Variants in NAA35 observed in about 807,000 individuals in gnomAD.
NAA35 encodes N-alpha-acetyltransferase 35, NatC auxiliary subunit.
Under a neutral mutation model 101.7 loss-of-function variants are expected in NAA35, and 18 were observed. The observed-to-expected ratio is 0.18, with a 90% CI of 0.12 to 0.26. The LOEUF (loss-of-function observed/expected upper bound fraction) is 0.26. Ranked by LOEUF, NAA35 falls within the 10% of genes least tolerant of loss-of-function variation. The pLI is 1.00. For synonymous variants in NAA35, 267 were observed against 273.1 expected (o/e 0.98, Z 0.22); for missense variants, 601 against 886.8 (o/e 0.68, Z 4.09).
intron 11 of NAA35, among the ~76,000 whole-genome samples, chr9:85,983,024 A>G (rs1360909036): frequency 6.6e-6 from 1 of 152,188 alleles, no homozygotes; most frequent in East Asian, 1.9e-4. Context: ...TTTAGCTGAA[A>G]ACATGAGAAC....
intron 2 of NAA35, among the ~76,000 whole-genome samples, chr9:85,946,711 A>T (rs1169736043): frequency 6.7e-6 from 1 of 149,362 alleles, no homozygotes; most frequent in Non-Finnish European, 1.5e-5. Flanking sequence ...CTCATCACCT[A>T]TCAGTGTATT....
chr9:86,012,764 G>T (rs1356083423), intron 15 of NAA35, among the ~76,000 whole-genome samples: 3 of 152,168 alleles, frequency 2.0e-5, no homozygotes, highest in African/African-American at 2.4e-5. Context: ...GAAAGAAATT[G>T]TCCTTGTGAA....
intron 15 of NAA35, among the ~76,000 whole-genome samples, chr9:86,011,680 G>A (rs1444023992): frequency 1.3e-5 from 2 of 150,098 alleles, no homozygotes; most frequent in African/African-American, 4.9e-5. Flanking sequence ...TTAATTAGAT[G>A]TATTTCTTTT....
chr9:85,992,472 G>T (rs1164788222), intron 11 of NAA35, among the ~76,000 whole-genome samples: 2 of 152,132 alleles, frequency 1.3e-5, no homozygotes, highest in Non-Finnish European at 2.9e-5. Context: ...AGGCCTGTTG[G>T]ATACACCTTA....
At chr9:86,009,233 G>C (rs1277457442) in intron 14 of NAA35, among the ~76,000 whole-genome samples, 1 of 152,130 alleles carries the variant, frequency 6.6e-6, no homozygotes, top group East Asian at 1.9e-4. Context: ...TTGCTTTAGG[G>C]TTAAAGATGT....
At chr9:85,944,206 A>G (rs1039060466) in intron 2 of NAA35, among the ~76,000 whole-genome samples, 5 of 152,202 alleles carry the variant, frequency 3.3e-5, no homozygotes. Context: ...AGTTTAATTA[A>G]TCTGAATCTT....
At position 85,942,262 on chromosome 9, in the gene NAA35, G is replaced by A; in HGVS notation, c.103G>A (p.Asp35Asn). Residue 35 changes from aspartate to asparagine, a missense_variant, in exon 2 of 23, where the codon GAT (aspartate) becomes AAT (asparagine). Physicochemically the swap from Asp to Asn is conservative, Grantham distance 23. Coordinates refer to ENST00000361671, the MANE Select transcript of NAA35 (RefSeq NM_024635.4). ...TACAAACTGGGTGGACATTACCCAAGATTTTGAAGAAGCTTGTCGAGGTGA... is the reference window on the plus strand; with the variant it reads ...TACAAACTGGGTGGACATTACCCAAAATTTTGAAGAAGCTTGTCGAGGTGA... ...SNTNWVDITQ[D>N]FEEACRELKL... The A allele has an allele frequency of 6.2e-7, 1 of 1,613,952 alleles. No individual in the cohort carries two copies.
chr9:85,974,494 C>A lies in NAA35; in HGVS notation c.517-473C>A, dbSNP rs145773337. Among the ~76,000 whole-genome samples the A allele has an allele frequency of 5.2e-3, 794 of 152,220 alleles. 4 individuals are homozygous for A. Among genetic ancestry groups the A allele is most frequent in the African/African-American group, 0.018 (758 of 41,534 alleles). On this transcript the variant is annotated intron_variant, in intron 6 of 22. Coordinates refer to ENST00000361671, the MANE Select transcript of NAA35 (RefSeq NM_024635.4). ...TTCCTTCCAATGGACTATAGTGGAACATGGTTTTACTCTCACTTTGAATAA... is the reference window on the plus strand; with the variant it reads ...TTCCTTCCAATGGACTATAGTGGAAAATGGTTTTACTCTCACTTTGAATAA...
chr9:85,948,093 C>T (rs1412357020), intron 2 of NAA35, among the ~76,000 whole-genome samples: 1 of 152,194 alleles, frequency 6.6e-6, no homozygotes, highest in Non-Finnish European at 1.5e-5. Flanking sequence ...TGGTTTTGGG[C>T]AGCTTGCTTT....
chr9:85,968,925 GTC>G (rs1398039383), intron 6 of NAA35, among the ~76,000 whole-genome samples: 1 of 152,030 alleles, frequency 6.6e-6, no homozygotes, highest in Admixed American at 6.6e-5. Flanking sequence ...TGTGATAATT[GTC>G]TCTCTTTTTG....
chr9:85,953,017 C>G (rs2118303687), intron 2 of NAA35, among the ~76,000 whole-genome samples: 1 of 152,216 alleles, frequency 6.6e-6, no homozygotes, highest in South Asian at 2.1e-4. Context: ...TGAGAACAAC[C>G]CAAGCAACAT....
chr9:85,983,517 T>A (rs1830521969), intron 11 of NAA35, among the ~76,000 whole-genome samples: 1 of 151,214 alleles, frequency 6.6e-6, no homozygotes, highest in East Asian at 1.9e-4. Flanking sequence ...AGGGTGGAAA[T>A]CTCTAGCCTG....
At chr9:85,992,894 A>G (rs1830978645) in intron 11 of NAA35, among the ~76,000 whole-genome samples, 1 of 152,238 alleles carries the variant, frequency 6.6e-6, no homozygotes, top group Non-Finnish European at 1.5e-5. Context: ...CACTCTAAAC[A>G]TACTTGAGGG....
At chr9:85,973,732 T>C (rs1465304051) in intron 6 of NAA35, among the ~76,000 whole-genome samples, 1 of 151,646 alleles carries the variant, frequency 6.6e-6, no homozygotes, top group Non-Finnish European at 1.5e-5. Context: ...CTTATATAGC[T>C]CTGTAATATG....
At chr9:86,010,810 C>T (rs146640368) in intron 15 of NAA35, among the ~76,000 whole-genome samples, 10,071 of 151,116 alleles carry the variant, frequency 0.067, 489 homozygotes, top group Non-Finnish European at 0.1. Flanking sequence ...ATCTCCTAAC[C>T]TCGTGATCCA....
chr9:86,016,455 T>G, intron 17 of NAA35, 84 bp from the exon 18 acceptor site: 1 of 1,190,276 alleles, frequency 8.4e-7, no homozygotes, highest in East Asian at 2.4e-5. Flanking sequence ...AAGCATTATT[T>G]GAAATATCTA....
chr9:86,008,363 A>G lies in NAA35; in HGVS notation c.1223+899A>G, dbSNP rs1433051128. Among the ~76,000 whole-genome samples the G allele has an allele frequency of 5.3e-5, 8 of 152,300 alleles. 1 individual carries two copies. The South Asian group carries it at 8.3e-4, about 16-fold the overall frequency. On this transcript the variant is annotated intron_variant, in intron 14 of 22. Coordinates refer to ENST00000361671, the MANE Select transcript of NAA35 (RefSeq NM_024635.4). ...AGGCTTGAGCCACTGCACCGGCCTA[A>G]TATGTTTCTTTTACATGGTGGTGTA...
At chr9:85,946,832 A>G (rs968937524) in intron 2 of NAA35, among the ~76,000 whole-genome samples, 2 of 152,082 alleles carry the variant, frequency 1.3e-5, no homozygotes, top group Non-Finnish European at 2.9e-5. Flanking sequence ...TATTAGCACC[A>G]TTGGTTAAGG....
rs1587552057 is a variant in NAA35, at chr9:85,948,807, G to T, written c.124+6524G>T. ...AGTTTCGCTCTTGCTGCCCAGGCTG[G>T]AGTGCAATGGCATGATCTCGGTTCA... On this transcript the variant is annotated intron_variant, in intron 2 of 22. Transcript: ENST00000361671. 5.9e-5 allele frequency among the ~76,000 whole-genome samples: 9 copies of T among 152,158 alleles called. No individual in the cohort carries two copies. In the South Asian group the frequency reaches 1.7e-3, roughly 28 times the overall value.
Sources: gnomAD v4.1 joint callset for allele counts (sites outside exome capture counted in the v4.1 genomes callset) on GRCh38, gnomAD v4.1.1 for gene constraint, MANE v1.5 for transcripts, NCBI Gene and HGNC (gene_info 2026-07-23, HGNC 2026-07-21) for gene names.